The following FGF12 variants were observed in gnomAD, a reference collection of about 807,000 sequenced individuals.
FGF12 encodes the protein fibroblast growth factor 12, also known as fibroblast growth factor 12B.
Under a neutral mutation model 23.6 loss-of-function variants are expected in FGF12, and 14 were observed. That is an observed-to-expected ratio of 0.59 (90% CI 0.39 to 0.93). FGF12 has a LOEUF of 0.93. Ranked by LOEUF, FGF12 falls within the 40% of genes least tolerant of loss-of-function variation. The pLI, the probability that FGF12 is intolerant of heterozygous loss-of-function variation, is 0.00. For synonymous variants in FGF12, 62 were observed against 77.3 expected (o/e 0.80, Z 1.04); for missense variants, 175 against 217.8 (o/e 0.80, Z 1.24).
rs527681508 is a variant in FGF12, at chr3:192,543,751, C to T, written c.14-183213G>A. Among the ~76,000 whole-genome samples the T allele has an allele frequency of 3.9e-5, 6 of 152,300 alleles. No individual in the cohort carries two copies. The South Asian group carries it at 1.2e-3, about 32-fold the overall frequency. On this transcript the variant is annotated intron_variant, in intron 2 of 5. Coordinates refer to ENST00000445105, the MANE Select transcript of FGF12 (RefSeq NM_004113.6). ...TGATGAATCCTGCCAGGACTGGGTT[C>T]TCCCCTTCAAGGCAGTGGATTCCCT...
At chr3:192,404,413 C>T (rs538054436) in intron 2 of FGF12, among the ~76,000 whole-genome samples, 16 of 152,114 alleles carry the variant, frequency 1.1e-4, no homozygotes, top group Non-Finnish European at 2.2e-4. Flanking sequence ...TAATAACTTC[C>T]GAGTCAAAAC....
intron 3 of FGF12, among the ~76,000 whole-genome samples, chr3:192,341,911 G>GTAGGACCTTTGCC (rs575201839): frequency 2.6e-5 from 4 of 151,910 alleles, no homozygotes; most frequent in Non-Finnish European, 5.9e-5. Context: ...AACATTTGGA[G>GTAGGACCTTTGCC]TTAACATACA....
intron 2 of FGF12, among the ~76,000 whole-genome samples, chr3:192,597,187 CA>C (rs1488276860): frequency 6.6e-6 from 1 of 152,046 alleles, no homozygotes; most frequent in Non-Finnish European, 1.5e-5. Context: ...ATTGGAAGGG[CA>C]AAAGGATGTG....
chr3:192,187,490 A>G (rs1716537421), intron 4 of FGF12, among the ~76,000 whole-genome samples: 1 of 152,212 alleles, frequency 6.6e-6, no homozygotes, highest in African/African-American at 2.4e-5. Context: ...GATAGACACT[A>G]AAATAATTAT....
At chr3:192,647,312 T>C (rs1280431410) in intron 2 of FGF12, among the ~76,000 whole-genome samples, 3 of 152,060 alleles carry the variant, frequency 2.0e-5, no homozygotes, top group Non-Finnish European at 2.9e-5. Flanking sequence ...CTATCTCACA[T>C]AAAATATTCA....
At chr3:192,548,674 T>C (rs998960343) in intron 2 of FGF12, among the ~76,000 whole-genome samples, 3 of 152,162 alleles carry the variant, frequency 2.0e-5, no homozygotes, top group East Asian at 1.9e-4. Flanking sequence ...GTGATAGCTA[T>C]TCTCTAATAA....
chr3:192,600,997 C>A (rs776956250), intron 2 of FGF12, among the ~76,000 whole-genome samples: 1 of 152,034 alleles, frequency 6.6e-6, no homozygotes, highest in Non-Finnish European at 1.5e-5. Context: ...ACATCTGCAC[C>A]CCATGTTTAT....
At chr3:192,573,619 CAT>C (rs906869563) in intron 2 of FGF12, among the ~76,000 whole-genome samples, 3 of 152,088 alleles carry the variant, frequency 2.0e-5, no homozygotes, top group African/African-American at 7.2e-5. Flanking sequence ...TCAATAATCA[CAT>C]GAGCCAATTT....
chr3:192,470,969 A>G (rs76854682), intron 2 of FGF12, among the ~76,000 whole-genome samples: 3,753 of 151,948 alleles, frequency 0.025, 140 homozygotes, highest in African/African-American at 0.084. Flanking sequence ...TTGCCTGACC[A>G]CCTATTGAAA....
intron 4 of FGF12, among the ~76,000 whole-genome samples, chr3:192,207,817 C>A (rs1221899188): frequency 6.6e-6 from 1 of 152,148 alleles, no homozygotes; most frequent in African/African-American, 2.4e-5. Context: ...AAACTGGTGT[C>A]AAGACTTACA....
intron 2 of FGF12, among the ~76,000 whole-genome samples, chr3:192,664,605 C>CAAAAAAAAAAAAAAAAAA (rs763256973): frequency 1.3e-4 from 14 of 111,920 alleles, no homozygotes; most frequent in Non-Finnish European, 1.8e-4. Context: ...AAAAAAAATA[C>CAAAAAAAAAAAAAAAAAA]AAAAAAAAAA....
intron 4 of FGF12, among the ~76,000 whole-genome samples, chr3:192,325,220 T>C (rs1332678549): frequency 6.6e-6 from 1 of 152,142 alleles, no homozygotes; most frequent in Non-Finnish European, 1.5e-5. Context: ...GTTCATTTAA[T>C]AAATATATAT....
At chr3:192,318,039 G>A (rs1474144027) in intron 4 of FGF12, among the ~76,000 whole-genome samples, 1 of 152,168 alleles carries the variant, frequency 6.6e-6, no homozygotes, top group Admixed American at 6.5e-5. Context: ...GGCTTGGGGT[G>A]CCCCCTAATG....
At chr3:192,630,139 C>T (rs1232082051) in intron 2 of FGF12, among the ~76,000 whole-genome samples, 1 of 152,116 alleles carries the variant, frequency 6.6e-6, no homozygotes, top group Non-Finnish European at 1.5e-5. Context: ...TACCTCCCTG[C>T]CCGCCTCTCT....
Position 192,617,706 on chromosome 3 carries a change from C to T in FGF12, c.13+109475G>A, listed in dbSNP as rs73056422. On this transcript the variant is annotated intron_variant, in intron 2 of 5. Transcript: ENST00000445105. The stretch of plus-strand genomic sequence containing the variant: ...ATTCCACCTTTCAAATGAGCTATCA[C>T]GTAATTTTGATAGTGCTAGTCCAAC... Among the ~76,000 whole-genome samples the T allele has an allele frequency of 6.5e-3, 988 of 152,106 alleles. 14 individuals carry two copies. Among genetic ancestry groups the T allele is most frequent in the African/African-American group, 0.022 (919 of 41,498 alleles).
At chr3:192,475,464 G>T (rs1723292641) in intron 2 of FGF12, among the ~76,000 whole-genome samples, 1 of 152,206 alleles carries the variant, frequency 6.6e-6, no homozygotes, top group South Asian at 2.1e-4. Context: ...GCACAAGGTT[G>T]CAAGCCTTAG....
At chr3:192,211,116 T>A (rs906402502) in intron 4 of FGF12, among the ~76,000 whole-genome samples, 1 of 152,196 alleles carries the variant, frequency 6.6e-6, no homozygotes, top group African/African-American at 2.4e-5. Context: ...TATTACAGTA[T>A]TCCAGAGGAG....
At chr3:192,326,121 A>T (rs1157580507) in intron 4 of FGF12, among the ~76,000 whole-genome samples, 1 of 152,208 alleles carries the variant, frequency 6.6e-6, no homozygotes, top group Non-Finnish European at 1.5e-5. Context: ...GTGCCATGAG[A>T]GATATTAATC....
At chr3:192,272,155 A>C (rs552939146) in intron 4 of FGF12, among the ~76,000 whole-genome samples, 1 of 152,192 alleles carries the variant, frequency 6.6e-6, no homozygotes, top group South Asian at 2.1e-4. Flanking sequence ...GAGTCATCTG[A>C]AAATTAAACA....
Sources: allele counts gnomAD v4.1 joint callset (sites outside exome capture counted in the v4.1 genomes callset), GRCh38; gene constraint gnomAD v4.1.1; transcripts MANE v1.5; gene names NCBI Gene and HGNC (gene_info 2026-07-23, HGNC 2026-07-21).